PACRGL: variants seen among roughly 807,000 people sequenced by gnomAD.
PACRGL encodes parkin coregulated like.
PACRGL carries 38 observed loss-of-function variants against 34.5 expected under a neutral mutation model. The observed-to-expected ratio is 1.10, with a 90% CI of 0.85 to 1.44. The LOEUF is 1.44. Ranked by LOEUF, PACRGL falls within the 40% of genes most tolerant of loss-of-function variation. PACRGL has a pLI of 0.00. For missense variants in PACRGL, 305 were observed against 281.4 expected (o/e 1.08, Z -0.60); for synonymous variants, 128 against 100.1 (o/e 1.28, Z -1.66).
At chr4:20,733,124 ATCTT>A (rs767121925), downstream of PACRGL, among the ~76,000 whole-genome samples, 4 of 152,202 alleles carry the variant, frequency 2.6e-5, no homozygotes, top group Non-Finnish European at 5.9e-5. Context: ...TGCATTATAT[ATCTT>A]ATGTGTTGAT....
intron 7 of PACRGL, among the ~76,000 whole-genome samples, chr4:20,718,368 T>G (rs1741198310): frequency 6.6e-6 from 1 of 152,206 alleles, no homozygotes; most frequent in South Asian, 2.1e-4. Flanking sequence ...CAACACTATG[T>G]TGAATAGGAG....
chr4:20,727,476 GA>G lies in PACRGL; in HGVS notation c.*137del. ...TACTAGGTTAAGATGAATAGACACT[GA>G]ATCAAAGTTATTCATCAACAAAAAA... is the stretch of plus-strand genomic sequence containing the variant. On this transcript the variant is annotated 3_prime_UTR_variant, in exon 9 of 9. Transcript: ENST00000503585. 1.6e-6 allele frequency: 1 copy of G among 631,860 alleles called. No individual in the cohort carries two copies. The allele number at this position is 631,860 out of a possible 1,614,324, so 39.1% of individuals were successfully genotyped here. A position where few individuals can be genotyped will look rare whatever the true frequency, so the allele number is the denominator to read the frequency against.
At chr4:20,732,657 C>T (rs758812301), downstream of PACRGL, 2 of 1,501,180 alleles carry the variant, frequency 1.3e-6, no homozygotes, top group Non-Finnish European at 1.9e-6. Context: ...TTCATGCCCT[C>T]TTGACTTCTG....
upstream of PACRGL, among the ~76,000 whole-genome samples, chr4:20,697,166 T>C (rs1270565953): frequency 6.6e-6 from 1 of 152,330 alleles, no homozygotes; most frequent in East Asian, 1.9e-4. Flanking sequence ...TCAATGACTT[T>C]ATAATGATGA....
At chr4:20,721,848 A>C (rs572744534) in intron 7 of PACRGL, among the ~76,000 whole-genome samples, 1 of 152,274 alleles carries the variant, frequency 6.6e-6, no homozygotes, top group Admixed American at 6.5e-5. Context: ...ACTCTCTTCA[A>C]AGCTGTCAGA....
rs543825677 is a variant in PACRGL, at chr4:20,719,231, AGTCTTGCTAGCAGTCTATC to A, written c.610-5576_610-5558del. On this transcript the variant is annotated intron_variant, in intron 7 of 8. Coordinates refer to ENST00000503585, the MANE Select transcript of PACRGL (RefSeq NM_001258345.3). The stretch of plus-strand genomic sequence containing the variant: ...TTGATTCTTCTCTCTTTACTTTATT[AGTCTTGCTAGCAGTCTATC>A]AATTTTGTTGATCTTTTCAAAAAAA... Among the ~76,000 whole-genome samples, 26 of 152,122 alleles carry A rather than the reference AGTCTTGCTAGCAGTCTATC, an allele frequency of 1.7e-4. No homozygotes were observed. The East Asian group carries it at 4.1e-3, about 24-fold the overall frequency.
intron 8 of PACRGL, among the ~76,000 whole-genome samples, chr4:20,743,716 A>T: frequency 6.6e-6 from 1 of 152,184 alleles, no homozygotes; most frequent in East Asian, 1.9e-4. Context: ...ATGGGCAAGG[A>T]CTTCATGTCT....
chr4:20,717,850 G>T (rs1362110517), intron 7 of PACRGL, among the ~76,000 whole-genome samples: 1 of 146,448 alleles, frequency 6.8e-6, no homozygotes, highest in Non-Finnish European at 1.5e-5. Flanking sequence ...CTTTAAAGTA[G>T]TTCTTTTCCA....
chr4:20,718,717 T>C (rs1463153120), intron 7 of PACRGL: 1 of 152,260 alleles, frequency 6.6e-6, no homozygotes, highest in African/African-American at 2.4e-5. Context: ...TTTGATGTGC[T>C]GCTGGATTCG....
In PACRGL at chr4:20,704,827, C is replaced by G; in HGVS notation, c.207+13C>G. 6.2e-7 allele frequency: 1 copy of G among 1,612,636 alleles called. No homozygotes were observed. Among genetic ancestry groups the G allele is most frequent in the South Asian group, 1.1e-5 (1 of 91,038 alleles). ...AACAATTAATCCGGTAGGTCCAAAA[C>G]TATTCCTAACTCAGTAGATTTTTTA... On this transcript the variant is annotated intron_variant, in intron 3 of 8. Transcript: ENST00000503585.
At chr4:20,746,257 C>T (rs1752395641) in intron 8 of PACRGL, among the ~76,000 whole-genome samples, 1 of 151,936 alleles carries the variant, frequency 6.6e-6, no homozygotes, top group African/African-American at 2.4e-5. Context: ...TCATTCTCAG[C>T]AAACTATCAT....
At chr4:20,706,991 T>G (rs1734785706) in intron 3 of PACRGL, among the ~76,000 whole-genome samples, 1 of 152,234 alleles carries the variant, frequency 6.6e-6, no homozygotes, top group Admixed American at 6.5e-5. Context: ...TAAGCACATT[T>G]TAAAACTACC....
the PACRGL span, among the ~76,000 whole-genome samples, chr4:20,765,731 A>G: frequency 6.6e-6 from 1 of 152,056 alleles, no homozygotes; most frequent in African/African-American, 2.4e-5. Context: ...TGCCTGTGAA[A>G]CCCTTCACTG....
rs1747411051 is a variant in PACRGL, at chr4:20,729,673, A to G, written c.*2332A>G. ...AAATTAATTTAATTTCTGGAAATTA[A>G]ATGCAGATGTCACTATATTAGAAAA... On this transcript the variant is annotated 3_prime_UTR_variant, in exon 9 of 9. Coordinates refer to ENST00000503585, the MANE Select transcript of PACRGL (RefSeq NM_001258345.3). The G allele has an allele frequency of 6.4e-6, 1 of 155,544 alleles. No individual in the cohort carries two copies. Among genetic ancestry groups the G allele is most frequent in the African/African-American group, 2.4e-5 (1 of 41,556 alleles). 9.6% of individuals were successfully genotyped at this position (155,544 alleles called of 1,614,324 possible).
intron 1 of PACRGL, among the ~76,000 whole-genome samples, chr4:20,703,044 C>T (rs1732901436): frequency 6.6e-6 from 1 of 152,156 alleles, no homozygotes; most frequent in Admixed American, 6.5e-5. Context: ...TAACATGGAG[C>T]TTTGTCCTCC....
intron 5 of PACRGL, 146 bp from the exon 6 acceptor site, chr4:20,712,642 A>G: frequency 3.8e-6 from 3 of 799,138 alleles, no homozygotes; most frequent in Non-Finnish European, 5.3e-6. Flanking sequence ...AATGTAATTG[A>G]AATTGTAACT....
chr4:20,714,535 C>T lies in PACRGL; in HGVS notation c.609+996C>T, dbSNP rs140873498. Among the ~76,000 whole-genome samples, 463 of 152,090 alleles carry T rather than the reference C, an allele frequency of 3.0e-3. 8 individuals are homozygous for T. The South Asian group carries it at 0.046, about 15-fold the overall frequency. On this transcript the variant is annotated intron_variant, in intron 7 of 8. Transcript: ENST00000503585. Reference sequence around the variant, plus strand: ...ATATTATGATGTGTGAATTTGATCCCGTCATTATGATATTAGCTGGTTATT... The same window carrying T: ...ATATTATGATGTGTGAATTTGATCCTGTCATTATGATATTAGCTGGTTATT...
intron 3 of PACRGL, among the ~76,000 whole-genome samples, 180 bp from the exon 4 acceptor site, chr4:20,707,623 G>C (rs1177339818): frequency 2.6e-5 from 4 of 152,046 alleles, no homozygotes; most frequent in Admixed American, 6.6e-5. Context: ...GGGAAAAAGA[G>C]ATGTACCAAG....
Position 20,702,898 on chromosome 4 carries a change from T to C in PACRGL, c.-16-1568T>C, listed in dbSNP as rs555736862. Among the ~76,000 whole-genome samples the C allele has an allele frequency of 3.9e-5, 6 of 152,288 alleles. No individual in the cohort carries two copies. In the East Asian group the frequency reaches 9.7e-4, roughly 25 times the overall value. ...GTCATCTGCTGGTAGTGGGATGAGA[T>C]AAATGAGATCAATGTACTAAATCAA... On this transcript the variant is annotated intron_variant, in intron 1 of 8. Transcript: ENST00000503585.
Sources: allele counts gnomAD v4.1 joint callset (sites outside exome capture counted in the v4.1 genomes callset), GRCh38; gene constraint gnomAD v4.1.1; transcripts MANE v1.5; gene names NCBI Gene and HGNC (gene_info 2026-07-23, HGNC 2026-07-21).